The following NTM variants were observed in gnomAD, a reference collection of about 807,000 sequenced individuals.
NTM encodes neurotrimin.
In NTM, 13 loss-of-function variants were observed where a neutral mutation model predicts 42.1. The observed-to-expected ratio is 0.31, with a 90% CI of 0.20 to 0.49. The LOEUF (loss-of-function observed/expected upper bound fraction) is 0.49. Ranked by LOEUF, NTM falls within the 20% of genes least tolerant of loss-of-function variation. The probability of loss-of-function intolerance (pLI) is 0.99; values close to 1 mark genes in which losing one functional copy is unlikely to be tolerated. For missense variants in NTM, 373 were observed against 452.8 expected (o/e 0.82, Z 1.60); for synonymous variants, 187 against 179.2 (o/e 1.04, Z -0.35).
chr11:131,821,088 C>T (rs563190586), intron 1 of NTM, among the ~76,000 whole-genome samples: 2 of 151,530 alleles, frequency 1.3e-5, no homozygotes, highest in South Asian at 2.1e-4. Context: ...CCATTTCACA[C>T]GCAAGTACAA....
intron 7 of NTM, among the ~76,000 whole-genome samples, chr11:132,327,234 A>T (rs2095702230): frequency 1.3e-5 from 2 of 152,114 alleles, no homozygotes; most frequent in Admixed American, 6.5e-5. Context: ...GTGGCTGTTC[A>T]TTTTCCACCC....
At chr11:132,077,180 C>T (rs926492770) in intron 2 of NTM, among the ~76,000 whole-genome samples, 9 of 152,202 alleles carry the variant, frequency 5.9e-5, no homozygotes, top group African/African-American at 2.2e-4. Flanking sequence ...TGGTCCACAC[C>T]TTCAGATGAA....
At chr11:131,591,220 C>T (rs2059337883) in intron 1 of NTM, among the ~76,000 whole-genome samples, 1 of 152,238 alleles carries the variant, frequency 6.6e-6, no homozygotes, top group Admixed American at 6.5e-5. Context: ...TTCCCCATGT[C>T]ACTCACTCAT....
intron 1 of NTM, among the ~76,000 whole-genome samples, chr11:131,652,157 G>C (rs2134350259): frequency 6.6e-6 from 1 of 152,302 alleles, no homozygotes; most frequent in South Asian, 2.1e-4. Context: ...TGTGTAAAAT[G>C]GAAATGTAAA....
chr11:131,868,028 G>A (rs2047400617), intron 1 of NTM, among the ~76,000 whole-genome samples: 1 of 152,202 alleles, frequency 6.6e-6, no homozygotes, highest in African/African-American at 2.4e-5. Flanking sequence ...TACGAAGCCA[G>A]TATTGTTTTG....
chr11:131,631,953 T>G (rs2063700484), intron 1 of NTM, among the ~76,000 whole-genome samples: 1 of 152,196 alleles, frequency 6.6e-6, no homozygotes, highest in Non-Finnish European at 1.5e-5. Context: ...CTTCTCTTTA[T>G]TTTTTCCCTA....
intron 1 of NTM, among the ~76,000 whole-genome samples, chr11:131,512,685 G>A (rs961896058): frequency 1.3e-4 from 20 of 152,196 alleles, no homozygotes; most frequent in African/African-American, 4.1e-4. Context: ...AGAGCAGGCC[G>A]TGGAATCCTC....
At chr11:132,156,528 T>C (rs1591877784) in intron 3 of NTM, among the ~76,000 whole-genome samples, 1 of 152,228 alleles carries the variant, frequency 6.6e-6, no homozygotes, top group African/African-American at 2.4e-5. Context: ...GTCTGTGTGA[T>C]TGGTTGATTA....
At chr11:132,327,478 A>G (rs567318749) in intron 7 of NTM, among the ~76,000 whole-genome samples, 1 of 152,354 alleles carries the variant, frequency 6.6e-6, no homozygotes, top group East Asian at 1.9e-4. Flanking sequence ...CAAGTCATCC[A>G]GTGGTTAAGC....
chr11:131,474,562 A>G (rs544648890), intron 1 of NTM, among the ~76,000 whole-genome samples: 26 of 152,038 alleles, frequency 1.7e-4, no homozygotes, highest in South Asian at 8.3e-4. Flanking sequence ...CTCATTCATC[A>G]TCTATAGCTC....
At chr11:131,922,739 C>A (rs1272622598) in intron 2 of NTM, among the ~76,000 whole-genome samples, 4 of 152,180 alleles carry the variant, frequency 2.6e-5, no homozygotes, top group African/African-American at 7.2e-5. Flanking sequence ...ATCTGCCTGG[C>A]AGCCCCAGCT....
chr11:131,461,038 C>T (rs1951326970), intron 1 of NTM, among the ~76,000 whole-genome samples: 1 of 152,184 alleles, frequency 6.6e-6, no homozygotes, highest in Non-Finnish European at 1.5e-5. Context: ...TTGTATTCTT[C>T]AAATAGTTTA....
At chr11:132,311,178 C>T (rs920111432) in intron 6 of NTM, among the ~76,000 whole-genome samples, 3 of 152,288 alleles carry the variant, frequency 2.0e-5, no homozygotes, top group Middle Eastern at 3.4e-3. Flanking sequence ...GCTGTGTGCA[C>T]GTCTTCAGCC....
chr11:131,838,248 G>A (rs1423294166), intron 1 of NTM, among the ~76,000 whole-genome samples: 2 of 152,046 alleles, frequency 1.3e-5, no homozygotes, highest in Non-Finnish European at 1.5e-5. Flanking sequence ...CCCGGAAGTC[G>A]GGCTCTGTCA....
intron 1 of NTM, among the ~76,000 whole-genome samples, chr11:131,636,954 T>C (rs911391474): frequency 6.6e-6 from 1 of 152,168 alleles, no homozygotes; most frequent in African/African-American, 2.4e-5. Flanking sequence ...CGCTCAGGAA[T>C]GGCTAGATAG....
intron 2 of NTM, among the ~76,000 whole-genome samples, chr11:132,087,741 A>G (rs185206076): frequency 4.9e-4 from 75 of 152,344 alleles, no homozygotes; most frequent in African/African-American, 1.7e-3. Context: ...AGGGAAAAAA[A>G]AAAGCTTAAG....
intron 3 of NTM, among the ~76,000 whole-genome samples, chr11:132,208,493 G>A (rs1052581382): frequency 6.6e-6 from 1 of 152,166 alleles, no homozygotes; most frequent in African/African-American, 2.4e-5. Flanking sequence ...TCATGAGTTG[G>A]ATATTTTCCA....
At chr11:131,523,560 G>A (rs1351597162) in intron 1 of NTM, among the ~76,000 whole-genome samples, 1 of 152,080 alleles carries the variant, frequency 6.6e-6, no homozygotes. Flanking sequence ...AGGCCGAAGT[G>A]GGCAGATCAC....
chr11:132,213,154 A>G (rs1429724445), intron 4 of NTM, among the ~76,000 whole-genome samples: 1 of 152,136 alleles, frequency 6.6e-6, no homozygotes, highest in Non-Finnish European at 1.5e-5. Flanking sequence ...GTGATTATGT[A>G]TGTATATATG....
Sources: allele counts gnomAD v4.1 joint callset (sites outside exome capture counted in the v4.1 genomes callset), GRCh38; gene constraint gnomAD v4.1.1; transcripts MANE v1.5; gene names NCBI Gene and HGNC (gene_info 2026-07-23, HGNC 2026-07-21).